The following DAB1 variants were observed in gnomAD, a reference collection of about 807,000 sequenced individuals.
DAB1 encodes the protein disabled homolog 1.
A neutral mutation model predicts 64.6 loss-of-function variants in DAB1; 15 were observed. The ratio of observed to expected loss-of-function variants is 0.23; its 90% CI spans 0.16 to 0.36. The LOEUF is 0.36. Among genes scored for constraint, DAB1 ranks in the 10% least tolerant of loss-of-function variants. DAB1 has a pLI of 1.00. For missense variants in DAB1, 596 were observed against 706.7 expected (o/e 0.84, Z 1.78); for synonymous variants, 235 against 251.9 (o/e 0.93, Z 0.64).
At chr1:57,171,580 C>T (rs1037927431) in intron 2 of DAB1, among the ~76,000 whole-genome samples, 3 of 152,138 alleles carry the variant, frequency 2.0e-5, no homozygotes, top group African/African-American at 7.2e-5. Context: ...CCTCATGAGG[C>T]AGTTCTTACT....
intron 1 of DAB1, among the ~76,000 whole-genome samples, chr1:57,321,985 T>A (rs1675761785): frequency 6.6e-6 from 1 of 152,212 alleles, no homozygotes; most frequent in Non-Finnish European, 1.5e-5. Context: ...TATTATTGGA[T>A]GGCTCTCACT....
At chr1:58,222,809 T>C (rs898692413) in intron 4 of DAB1, among the ~76,000 whole-genome samples, 1 of 152,220 alleles carries the variant, frequency 6.6e-6, no homozygotes, top group Non-Finnish European at 1.5e-5. Flanking sequence ...TATTATGTGG[T>C]AGACTTCAGG....
chr1:57,970,397 C>T (rs1013295391), intron 5 of DAB1, among the ~76,000 whole-genome samples: 2 of 152,114 alleles, frequency 1.3e-5, no homozygotes, highest in Admixed American at 6.5e-5. Context: ...TGGGGGTCAC[C>T]CTGAATCGCT....
intron 4 of DAB1, among the ~76,000 whole-genome samples, chr1:58,294,965 A>G (rs1057180624): frequency 2.0e-5 from 3 of 151,154 alleles, no homozygotes; most frequent in Non-Finnish European, 4.4e-5. Context: ...TAAGGCTGAT[A>G]AGAGAGGATT....
At chr1:57,119,013 A>G (rs999364706) in intron 4 of DAB1, among the ~76,000 whole-genome samples, 1 of 152,218 alleles carries the variant, frequency 6.6e-6, no homozygotes, top group Non-Finnish European at 1.5e-5. Flanking sequence ...ATGGTCAGGT[A>G]TAATTCACCT....
At chr1:57,246,154 G>A (rs1028975294) in intron 2 of DAB1, among the ~76,000 whole-genome samples, 107 of 152,300 alleles carry the variant, frequency 7.0e-4, no homozygotes, top group African/African-American at 2.4e-3. Context: ...CCATGATAAT[G>A]GGGAAAATGT....
intron 4 of DAB1, among the ~76,000 whole-genome samples, chr1:57,134,337 C>A (rs751922850): frequency 2.0e-5 from 3 of 152,068 alleles, no homozygotes; most frequent in South Asian, 4.2e-4. Flanking sequence ...GTAATCCCAG[C>A]ACTTTTGGAG....
intron 5 of DAB1, among the ~76,000 whole-genome samples, chr1:57,934,572 A>ATGT (rs1644999620): frequency 6.6e-6 from 1 of 152,158 alleles, no homozygotes; most frequent in African/African-American, 2.4e-5. Context: ...CTAAATACCT[A>ATGT]GCATTTAACT....
At chr1:57,611,797 C>T (rs1334859038) in intron 7 of DAB1, among the ~76,000 whole-genome samples, 1 of 152,212 alleles carries the variant, frequency 6.6e-6, no homozygotes, top group Non-Finnish European at 1.5e-5. Context: ...GCAATCAGAT[C>T]TCCTAAAGGA....
intron 4 of DAB1, among the ~76,000 whole-genome samples, chr1:58,263,560 G>A (rs1227736716): frequency 6.6e-6 from 1 of 152,188 alleles, no homozygotes; most frequent in Non-Finnish European, 1.5e-5. Context: ...CATGTTGCTT[G>A]CTACCTCATA....
At chr1:57,543,967 G>A (rs900857657) in intron 7 of DAB1, among the ~76,000 whole-genome samples, 2 of 152,004 alleles carry the variant, frequency 1.3e-5, no homozygotes, top group Non-Finnish European at 2.9e-5. Context: ...AATTAGCCGG[G>A]CATGGTGGCA....
chr1:58,375,227 A>T (rs1206080114), intron 3 of DAB1, among the ~76,000 whole-genome samples: 2 of 146,238 alleles, frequency 1.4e-5, no homozygotes, highest in Non-Finnish European at 3.0e-5. Flanking sequence ...GTTGAATAGG[A>T]GCGGTGAGAG....
rs533312783 is a variant in DAB1 at position 57,842,033 on chromosome 1, T to C, written n.88-15578A>G. Among the ~76,000 whole-genome samples, 4 of 152,340 alleles carry C rather than the reference T, an allele frequency of 2.6e-5. No individual in the cohort carries two copies. In the East Asian group the frequency reaches 7.7e-4, roughly 29 times the overall value. On this transcript the variant is annotated intron_variant and non_coding_transcript_variant, in intron 1 of 1. Transcript: ENST00000477280. Reference sequence around the variant, plus strand: ...AAGTTCCAATTTTGGACCAATTCTTTGTGAACACATATGGGTGTGTGCTGT... The same window carrying C: ...AAGTTCCAATTTTGGACCAATTCTTCGTGAACACATATGGGTGTGTGCTGT...
At chr1:57,392,319 G>A (rs911064871) in intron 1 of DAB1, among the ~76,000 whole-genome samples, 2 of 152,194 alleles carry the variant, frequency 1.3e-5, no homozygotes, top group African/African-American at 4.8e-5. Flanking sequence ...GTTGCAGTGA[G>A]CGAGATCGTG....
intron 4 of DAB1, among the ~76,000 whole-genome samples, chr1:58,200,910 G>T (rs1363891145): frequency 6.6e-6 from 1 of 152,058 alleles, no homozygotes; most frequent in African/African-American, 2.4e-5. Context: ...CTGTAATTTA[G>T]AATTTTGCCA....
chr1:58,345,810 G>C (rs962646531), intron 3 of DAB1, among the ~76,000 whole-genome samples: 1 of 152,074 alleles, frequency 6.6e-6, no homozygotes, highest in South Asian at 2.1e-4. Flanking sequence ...GGAGGCTCCT[G>C]CTAGGAGGTT....
At chr1:57,366,587 G>C (rs1239820689) in intron 1 of DAB1, among the ~76,000 whole-genome samples, 1 of 152,156 alleles carries the variant, frequency 6.6e-6, no homozygotes, top group East Asian at 1.9e-4. Context: ...TGTTTGAAAA[G>C]TAAATAATAA....
At chr1:58,161,829 A>T (rs1655553219) in intron 4 of DAB1, among the ~76,000 whole-genome samples, 1 of 152,142 alleles carries the variant, frequency 6.6e-6, no homozygotes, top group Non-Finnish European at 1.5e-5. Context: ...CTGGTTCAAG[A>T]CTATTGACTT....
chr1:57,824,658 T>C (rs1652265576), downstream of DAB1, among the ~76,000 whole-genome samples: 1 of 152,202 alleles, frequency 6.6e-6, no homozygotes, highest in South Asian at 2.1e-4. Context: ...CAGTGGGATA[T>C]GCGTCTTAAC....
Sources: gnomAD v4.1 joint callset for allele counts (sites outside exome capture counted in the v4.1 genomes callset) on GRCh38, gnomAD v4.1.1 for gene constraint, MANE v1.5 for transcripts, NCBI Gene and HGNC (gene_info 2026-07-23, HGNC 2026-07-21) for gene names.